TGS1: variants seen among roughly 807,000 people sequenced by gnomAD.
TGS1 encodes the protein trimethylguanosine synthase.
In TGS1, 69 loss-of-function variants were observed where a neutral mutation model predicts 92.2. The ratio of observed to expected loss-of-function variants is 0.75; its 90% CI spans 0.62 to 0.91. The LOEUF is 0.91. TGS1 is among the 40% of genes least tolerant of loss of function. The pLI is 0.00. For missense variants in TGS1, 1,062 were observed against 1,001.2 expected (o/e 1.06, Z -0.82); for synonymous variants, 345 against 338.1 (o/e 1.02, Z -0.22).
chr8:55,820,781 A>G (rs1041363873), intron 12 of TGS1, among the ~76,000 whole-genome samples: 16 of 152,202 alleles, frequency 1.1e-4, no homozygotes, highest in African/African-American at 3.9e-4. Flanking sequence ...TAATATGCCA[A>G]AAATGTGGAA....
At chr8:55,802,336 C>T (rs890085843) in intron 8 of TGS1, 121 bp from the exon 9 acceptor site, 11 of 735,816 alleles carry the variant, frequency 1.5e-5, no homozygotes, top group South Asian at 1.0e-4. Context: ...TTTCTCTGGG[C>T]GTGTCATTAT....
Position 55,805,181 on chromosome 8 carries a change from T to A in TGS1, c.2143+145T>A, listed in dbSNP as rs1337737471. On this transcript the variant is annotated intron_variant, in intron 10 of 12. Transcript: ENST00000260129. Reference sequence around the variant, plus strand: ...GATATAAAATAATAGCTAGCATATATTAAGCATATACTTTGTATTGCATAC... The same window carrying A: ...GATATAAAATAATAGCTAGCATATAATAAGCATATACTTTGTATTGCATAC... 5.2e-6 allele frequency: 3 copies of A among 572,004 alleles called. 1 individual carries two copies. The highest frequency in any genetic ancestry group is 1.9e-5 in the African/African-American group (1 of 51,812). 35.4% of individuals were successfully genotyped at this position (572,004 alleles called of 1,614,324 possible). A position where few individuals can be genotyped will look rare whatever the true frequency, so the allele number is the denominator to read the frequency against.
chr8:55,793,804 G>A (rs1811961847), intron 6 of TGS1, among the ~76,000 whole-genome samples: 1 of 150,638 alleles, frequency 6.6e-6, no homozygotes, highest in African/African-American at 2.4e-5. Context: ...TTTTAGTAGA[G>A]ACAGGGTTGC....
In TGS1 at chr8:55,785,718, G is replaced by A. The variant is rs769323976; in HGVS notation, c.167-1G>A. On this transcript the variant is annotated splice_acceptor_variant, in intron 2 of 12. Transcript: ENST00000260129. LOFTEE classifies it high-confidence loss of function. ...ACTAAGCTAATAAATGGTGTCTATA[G>A]GAGACCAGGCGACAGAAGAAGAGGA... is the stretch of plus-strand genomic sequence containing the variant. 20 of 1,600,232 alleles carry A rather than the reference G, an allele frequency of 1.2e-5. No individual in the cohort carries two copies. The Middle Eastern group carries it at 8.3e-4, about 66-fold the overall frequency.
chr8:55,779,609 G>T (rs966751489), intron 1 of TGS1, among the ~76,000 whole-genome samples: 1 of 152,152 alleles, frequency 6.6e-6, no homozygotes, highest in African/African-American at 2.4e-5. Context: ...TTAATTCACG[G>T]CCCACAGTAT....
intron 4 of TGS1, among the ~76,000 whole-genome samples, chr8:55,787,297 G>A (rs1189360875): frequency 6.6e-6 from 1 of 152,174 alleles, no homozygotes; most frequent in Non-Finnish European, 1.5e-5. Context: ...GGTGGCTAAT[G>A]AAGGAAAATG....
intron 6 of TGS1, among the ~76,000 whole-genome samples, chr8:55,794,345 C>T (rs1811978394): frequency 6.6e-6 from 1 of 152,190 alleles, no homozygotes; most frequent in South Asian, 2.1e-4. Flanking sequence ...CATGAGCCAC[C>T]ACGCCCAGTC....
chr8:55,793,722 C>T lies in TGS1; in HGVS notation c.1367+938C>T, dbSNP rs188163687. 4.5e-3 allele frequency among the ~76,000 whole-genome samples: 686 copies of T among 151,852 alleles called. 4 individuals are homozygous for T. Among genetic ancestry groups the T allele is most frequent in the Middle Eastern group, 0.02 (6 of 294 alleles). On this transcript the variant is annotated intron_variant, in intron 6 of 12. Coordinates refer to ENST00000260129, the MANE Select transcript of TGS1 (RefSeq NM_024831.8). ...AGCTGGGACTACAGGCATGCACCAC[C>T]ATGCCCTGCTAATTTATTTATTTAT...
At position 55,796,168 on chromosome 8, in the gene TGS1, G is replaced by C. The variant is rs200676045; in HGVS notation, c.1542+16G>C. On this transcript the variant is annotated intron_variant, in intron 7 of 12. Coordinates refer to ENST00000260129, the MANE Select transcript of TGS1 (RefSeq NM_024831.8). ...TCTGAGTAAGGTATGTATAAATTTT[G>C]TTGCATATTTGTAGATAGAATCATG... is the stretch of plus-strand genomic sequence containing the variant. The C allele has an allele frequency of 4.4e-6, 7 of 1,578,556 alleles. No homozygotes were observed. Among genetic ancestry groups the C allele is most frequent in the Non-Finnish European group, 5.2e-6 (6 of 1,155,462 alleles).
At chr8:55,814,265 A>G (rs1486126003) in intron 12 of TGS1, among the ~76,000 whole-genome samples, 1 of 152,150 alleles carries the variant, frequency 6.6e-6, no homozygotes, top group African/African-American at 2.4e-5. Flanking sequence ...TTTTTAAAAA[A>G]ACTACTGATA....
At chr8:55,805,881 TAAAAA>T (rs60887117) in intron 10 of TGS1, among the ~76,000 whole-genome samples, 17,572 of 119,212 alleles carry the variant, frequency 0.15, 1,239 homozygotes, top group African/African-American at 0.21. Context: ...GACTCCATCT[TAAAAA>T]AAAAAAAAAA....
At chr8:55,814,058 C>T (rs774177867) in intron 12 of TGS1, among the ~76,000 whole-genome samples, 2 of 152,048 alleles carry the variant, frequency 1.3e-5, no homozygotes, top group Non-Finnish European at 2.9e-5. Context: ...AGCAGTCCTC[C>T]CACCTCAGCC....
chr8:55,790,429 G>A, intron 5 of TGS1, 130 bp downstream of exon 5: 2 of 656,996 alleles, frequency 3.0e-6, no homozygotes, highest in South Asian at 3.8e-5. Flanking sequence ...GGATCTACTG[G>A]TAAGATTCTG....
chr8:55,803,896 C>G (rs1205193814), intron 9 of TGS1, among the ~76,000 whole-genome samples: 1 of 151,948 alleles, frequency 6.6e-6, no homozygotes, highest in Non-Finnish European at 1.5e-5. Flanking sequence ...GTTGCCCAGG[C>G]TGCTCTCAAA....
rs946362099 is a variant in TGS1 at position 55,803,292 on chromosome 8, C to G, written c.1999+686C>G. Among the ~76,000 whole-genome samples the G allele has an allele frequency of 3.3e-5, 5 of 152,260 alleles. No individual in the cohort carries two copies. The East Asian group carries it at 7.7e-4, about 23-fold the overall frequency. On this transcript the variant is annotated intron_variant, in intron 9 of 12. Transcript: ENST00000260129. The stretch of plus-strand genomic sequence containing the variant: ...AGGATACAATTTAATGAATTAACTT[C>G]GCAAATTTTGAATTCTTTCTCCAGC...
Position 55,780,705 on chromosome 8 carries a change from T to G in TGS1, c.102-2043T>G, listed in dbSNP as rs150264937. Among the ~76,000 whole-genome samples the G allele has an allele frequency of 8.5e-4, 129 of 152,328 alleles. 1 individual carries two copies. Among genetic ancestry groups the G allele is most frequent in the Middle Eastern group, 3.4e-3 (1 of 294 alleles). On this transcript the variant is annotated intron_variant, in intron 1 of 12. Transcript: ENST00000260129. Reference sequence around the variant, plus strand: ...AGGATGCCAAGGAGTAGTTCTTGTCTTCTTCGCTCCTACTGCATTTATTAG... The same window carrying G: ...AGGATGCCAAGGAGTAGTTCTTGTCGTCTTCGCTCCTACTGCATTTATTAG...
chr8:55,792,812 C>T, intron 6 of TGS1, 28 bp downstream of exon 6: 1 of 1,517,602 alleles, frequency 6.6e-7, no homozygotes, highest in Non-Finnish European at 9.2e-7. Context: ...CTATTGTTTT[C>T]CAGAAGTCCT....
At chr8:55,818,505 T>C (rs1430816658) in intron 12 of TGS1, among the ~76,000 whole-genome samples, 1 of 152,238 alleles carries the variant, frequency 6.6e-6, no homozygotes, top group East Asian at 1.9e-4. Flanking sequence ...AATCATACAC[T>C]GCAATTCAGG....
At chr8:55,782,150 ATTTATTTATTTATTTATTTATTT>A (rs1563450281) in intron 1 of TGS1, among the ~76,000 whole-genome samples, 2,013 of 145,940 alleles carry the variant, frequency 0.014, 43 homozygotes, top group African/African-American at 0.047. Context: ...CTTACACTTT[ATTTATTTATTTATTTATTTATTT>A]ATTTATTTAT....
Sources: gnomAD v4.1 joint callset for allele counts (sites outside exome capture counted in the v4.1 genomes callset) on GRCh38, gnomAD v4.1.1 for gene constraint, MANE v1.5 for transcripts, NCBI Gene and HGNC (gene_info 2026-07-23, HGNC 2026-07-21) for gene names.